Variants in SEC14L5 observed in about 807,000 individuals in gnomAD.
The protein encoded by SEC14L5 is SEC14 like lipid binding 5, also known as SEC14-like protein 5.
In SEC14L5, 96 loss-of-function variants were observed where a neutral mutation model predicts 84.6. The ratio of observed to expected loss-of-function variants is 1.13; its 90% CI spans 0.96 to 1.34. The LOEUF (loss-of-function observed/expected upper bound fraction) is 1.34, where lower values mean the gene tolerates loss of function less well. Among genes scored for constraint, SEC14L5 ranks in the 40% most tolerant of loss-of-function variants. The probability of loss-of-function intolerance (pLI) is 0.00; values close to 1 mark genes in which losing one functional copy is unlikely to be tolerated. For synonymous variants in SEC14L5, 546 were observed against 383.4 expected (o/e 1.42, Z -4.95); for missense variants, 1,224 against 942.5 (o/e 1.30, Z -3.91).
At chr16:4,996,290 C>T (rs1955607364) in intron 6 of SEC14L5, 58 bp from the exon 7 acceptor site, 2 of 1,043,174 alleles carry the variant, frequency 1.9e-6, no homozygotes, top group African/African-American at 1.6e-5. Context: ...ACACAGACCA[C>T]ATGGTAAAGA....
chr16:4,986,021 T>C (rs1428784089), intron 2 of SEC14L5, among the ~76,000 whole-genome samples: 1 of 152,108 alleles, frequency 6.6e-6, no homozygotes, highest in African/African-American at 2.4e-5. Flanking sequence ...TTTAACTGTT[T>C]GAAGAACTGC....
At chr16:4,967,338 T>C (rs1344168090) in intron 2 of SEC14L5, among the ~76,000 whole-genome samples, 3 of 152,156 alleles carry the variant, frequency 2.0e-5, no homozygotes, top group African/African-American at 4.8e-5. Flanking sequence ...ACCAGTCATA[T>C]TGGATTTATA....
intron 11 of SEC14L5, 118 bp downstream of exon 11, chr16:5,003,691 G>C (rs1955701967): frequency 2.9e-6 from 2 of 687,724 alleles, no homozygotes; most frequent in Non-Finnish European, 4.7e-6. Flanking sequence ...ACTTTTTGGA[G>C]ATGAAACTCA....
At chr16:4,993,420 T>G (rs1955573810) in intron 6 of SEC14L5, among the ~76,000 whole-genome samples, 2 of 152,096 alleles carry the variant, frequency 1.3e-5, no homozygotes, top group African/African-American at 4.8e-5. Flanking sequence ...TTTTAAATCT[T>G]TAGTGGAGAC....
At chr16:4,994,043 T>C (rs991101999) in intron 6 of SEC14L5, among the ~76,000 whole-genome samples, 3 of 152,168 alleles carry the variant, frequency 2.0e-5, no homozygotes, top group Admixed American at 6.5e-5. Flanking sequence ...TGCTTTCTTA[T>C]TGGTTTGTAA....
chr16:4,972,752 G>A (rs896935476), intron 2 of SEC14L5, among the ~76,000 whole-genome samples: 1 of 152,188 alleles, frequency 6.6e-6, no homozygotes, highest in Admixed American at 6.5e-5. Context: ...GGACACGTGG[G>A]TGTTTTCCCC....
intron 12 of SEC14L5, among the ~76,000 whole-genome samples, 181 bp from the exon 13 acceptor site, chr16:5,007,171 A>C (rs1955741232): frequency 6.6e-6 from 1 of 152,184 alleles, no homozygotes; most frequent in African/African-American, 2.4e-5. Flanking sequence ...AACGGGAAGA[A>C]TAATAGTCTC....
At chr16:5,003,889 G>A (rs180908538) in intron 11 of SEC14L5, among the ~76,000 whole-genome samples, 1 of 152,330 alleles carries the variant, frequency 6.6e-6, no homozygotes, top group Non-Finnish European at 1.5e-5. Context: ...GCTTCCCAAA[G>A]TGTTTGTGTT....
intron 8 of SEC14L5, among the ~76,000 whole-genome samples, chr16:4,999,681 G>A (rs914069047): frequency 6.6e-6 from 1 of 151,652 alleles, no homozygotes; most frequent in African/African-American, 2.4e-5. Context: ...TTGGAAGGCC[G>A]AGGCGGCAGA....
At chr16:5,001,721 G>T (rs894473185) in intron 10 of SEC14L5, among the ~76,000 whole-genome samples, 7 of 151,836 alleles carry the variant, frequency 4.6e-5, no homozygotes, top group Non-Finnish European at 1.5e-5. Flanking sequence ...CGGTGGCATC[G>T]CCCCCAAAGG....
chr16:4,983,714 T>A (rs895565833), intron 2 of SEC14L5, among the ~76,000 whole-genome samples: 1 of 151,738 alleles, frequency 6.6e-6, no homozygotes, highest in Non-Finnish European at 1.5e-5. Context: ...CCGTCTCTAC[T>A]AGAAATACAA....
chr16:5,013,992 G>A (rs1246351745), intron 15 of SEC14L5, among the ~76,000 whole-genome samples: 2 of 152,200 alleles, frequency 1.3e-5, no homozygotes, highest in Non-Finnish European at 2.9e-5. Flanking sequence ...GGCACCTGGC[G>A]AGGTTCTGCA....
At chr16:4,968,713 T>C (rs1955236428) in intron 2 of SEC14L5, among the ~76,000 whole-genome samples, 1 of 152,214 alleles carries the variant, frequency 6.6e-6, no homozygotes, top group Non-Finnish European at 1.5e-5. Flanking sequence ...TGCCCAGGTG[T>C]TCCTGTGGGG....
intron 2 of SEC14L5, among the ~76,000 whole-genome samples, chr16:4,983,657 A>G (rs972656547): frequency 2.6e-5 from 4 of 151,656 alleles, no homozygotes; most frequent in African/African-American, 4.8e-5. Flanking sequence ...TGGACGGATC[A>G]CCCGAAGTCA....
At chr16:4,995,991 G>T (rs7198733) in intron 6 of SEC14L5, among the ~76,000 whole-genome samples, 68,619 of 151,888 alleles carry the variant, frequency 0.45, 15,756 homozygotes, top group Middle Eastern at 0.52. Context: ...AGAGAGCTCA[G>T]TGAGACCAGG....
At chr16:4,987,785 AC>A in intron 3 of SEC14L5, 79 bp downstream of exon 3, 1 of 1,148,394 alleles carries the variant, frequency 8.7e-7, no homozygotes, top group Non-Finnish European at 1.2e-6. Flanking sequence ...GGAGCTGGGG[AC>A]CAGGGCGGCG....
At chr16:5,012,134 C>T (rs912035870) in intron 15 of SEC14L5, among the ~76,000 whole-genome samples, 3 of 152,162 alleles carry the variant, frequency 2.0e-5, no homozygotes, top group African/African-American at 7.2e-5. Flanking sequence ...GGGGCAGAGT[C>T]TTTATCCAAG....
In SEC14L5 at chr16:5,008,539, A is replaced by T. The variant is rs761078743; in HGVS notation, c.1691A>T (p.Glu564Val). The T allele has an allele frequency of 1.2e-6, 2 of 1,609,376 alleles. No individual in the cohort carries two copies. The highest frequency in any genetic ancestry group is 2.2e-5 in the East Asian group (1 of 44,774). Reference protein sequence around the residue: ...TKQAPRLGAREPGTRASGQLI... With the variant: ...TKQAPRLGARVPGTRASGQLI... ...CAGGCGCCCAGGCTGGGCGCCCGGG[A>T]ACCGGGGACCAGGGCCAGCGGGCAG... Residue 564 changes from glutamate (E) to valine (V), a missense_variant, in exon 14 of 16, where the codon GAA (glutamate) becomes GTA (valine). Glu to Val is a moderately radical substitution (Grantham distance 121). Coordinates refer to ENST00000251170, the MANE Select transcript of SEC14L5 (RefSeq NM_014692.2).
intron 11 of SEC14L5, among the ~76,000 whole-genome samples, chr16:5,004,595 G>T (rs1005935077): frequency 6.6e-6 from 1 of 152,076 alleles, no homozygotes; most frequent in Non-Finnish European, 1.5e-5. Context: ...TGGGGGCAGG[G>T]AGCTACTGGG....
Sources: gnomAD v4.1 joint callset for allele counts (sites outside exome capture counted in the v4.1 genomes callset) on GRCh38, gnomAD v4.1.1 for gene constraint, MANE v1.5 for transcripts, NCBI Gene and HGNC (gene_info 2026-07-23, HGNC 2026-07-21) for gene names.